The following ARHGAP18 variants were observed in gnomAD, a reference collection of about 807,000 sequenced individuals.
The protein encoded by ARHGAP18 is rho GTPase-activating protein 18.
A neutral mutation model predicts 86.2 loss-of-function variants in ARHGAP18; 67 were observed. That is an observed-to-expected ratio of 0.78 (90% CI 0.64 to 0.95). The LOEUF is 0.95. Among genes scored for constraint, ARHGAP18 ranks in the 40% least tolerant of loss-of-function variants. ARHGAP18 has a pLI of 0.00. For missense variants in ARHGAP18, 691 were observed against 780.4 expected, an observed-to-expected ratio of 0.89 and a Z score of 1.37; for synonymous variants, 283 against 280.4, an observed-to-expected ratio of 1.01 and a Z score of -0.09.
intron 11 of ARHGAP18, 109 bp downstream of exon 11, chr6:129,600,533 T>G: frequency 1.1e-6 from 1 of 884,566 alleles, no homozygotes; most frequent in South Asian, 2.0e-5. Context: ...TAAAATGTTT[T>G]TAATATTTTC....
At chr6:129,602,095 A>C (rs1417649939) in intron 10 of ARHGAP18, among the ~76,000 whole-genome samples, 10 of 152,134 alleles carry the variant, frequency 6.6e-5, no homozygotes, top group Non-Finnish European at 1.5e-4. Flanking sequence ...CTCTAACATG[A>C]CTTAAGGCTT....
intron 5 of ARHGAP18, among the ~76,000 whole-genome samples, chr6:129,626,320 A>G (rs1471680373): frequency 6.6e-6 from 1 of 151,918 alleles, no homozygotes; most frequent in Non-Finnish European, 1.5e-5. Context: ...GTGAGCTACC[A>G]GTTACCTAGG....
At chr6:129,654,475 C>G (rs1773786228) in intron 1 of ARHGAP18, among the ~76,000 whole-genome samples, 1 of 152,226 alleles carries the variant, frequency 6.6e-6, no homozygotes, top group Non-Finnish European at 1.5e-5. Flanking sequence ...CAGGCTTACA[C>G]TAGCCTACTG....
intron 12 of ARHGAP18, among the ~76,000 whole-genome samples, chr6:129,590,830 T>C (rs1289719659): frequency 6.6e-6 from 1 of 152,174 alleles, no homozygotes; most frequent in Admixed American, 6.5e-5. Flanking sequence ...GTCTATGGGA[T>C]ATGAACATTT....
At chr6:129,634,153 AG>A (rs746091215) in intron 3 of ARHGAP18, 48 bp from the exon 4 acceptor site, 1 of 1,516,110 alleles carries the variant, frequency 6.6e-7, no homozygotes. Flanking sequence ...TCAAAACCAG[AG>A]AAAATGGTAC....
chr6:129,676,915 CTTTTTTTTTTTTTTTTTTTTTTT>C (rs10688716), intron 1 of ARHGAP18, among the ~76,000 whole-genome samples: 1 of 37,960 alleles, frequency 2.6e-5, no homozygotes, highest in African/African-American at 6.9e-5. Flanking sequence ...TTTTTGTCCT[CTTTTTTTTTTTTTTTTTTTTTTT>C]TTTTTTTTTT....
At chr6:129,637,027 C>T (rs1489396900) in intron 3 of ARHGAP18, among the ~76,000 whole-genome samples, 8 of 152,156 alleles carry the variant, frequency 5.3e-5, no homozygotes, top group Non-Finnish European at 1.2e-4. Context: ...TAGCACTGAT[C>T]TGAGCCACAC....
At chr6:129,586,774 C>A (rs942896543) in intron 12 of ARHGAP18, among the ~76,000 whole-genome samples, 3 of 152,120 alleles carry the variant, frequency 2.0e-5, no homozygotes, top group African/African-American at 7.2e-5. Context: ...CCTTTTCCCC[C>A]ACTATTTCTT....
chr6:129,654,414 G>A (rs1442509241), intron 1 of ARHGAP18, among the ~76,000 whole-genome samples: 1 of 152,152 alleles, frequency 6.6e-6, no homozygotes, highest in Non-Finnish European at 1.5e-5. Context: ...TTTCTGTCCT[G>A]ATCCTTAAGA....
chr6:129,709,955 C>A, intron 1 of ARHGAP18, 69 bp downstream of exon 1: 1 of 1,318,652 alleles, frequency 7.6e-7, no homozygotes, highest in Non-Finnish European at 1.1e-6. Context: ...CCCACGCCAA[C>A]TTCCCTGTCA....
At chr6:129,614,992 T>C (rs1789064913) in intron 7 of ARHGAP18, among the ~76,000 whole-genome samples, 1 of 152,140 alleles carries the variant, frequency 6.6e-6, no homozygotes, top group Non-Finnish European at 1.5e-5. Context: ...TCTGCTAGCC[T>C]GCTCTACATA....
In ARHGAP18 at chr6:129,611,622, CAG is replaced by C; in HGVS notation, c.1045-14_1045-13del. On this transcript the variant is annotated splice_polypyrimidine_tract_variant and intron_variant, in intron 7 of 14. Transcript: ENST00000368149. ...ATTCGAGAAATCAGCTGTGCATAAA[CAG>C]AGAAACATTCTAATTTCCGTATTTG... 6.2e-7 allele frequency: 1 copy of C among 1,610,932 alleles called. No homozygotes were observed. Among genetic ancestry groups the C allele is most frequent in the Non-Finnish European group, 8.5e-7 (1 of 1,177,646 alleles).
intron 1 of ARHGAP18, among the ~76,000 whole-genome samples, chr6:129,691,733 A>T (rs1405484585): frequency 6.6e-6 from 1 of 152,224 alleles, no homozygotes; most frequent in Non-Finnish European, 1.5e-5. Context: ...GGCTGATACT[A>T]CATTCACATA....
Position 129,611,623 on chromosome 6 carries a change from A to G in ARHGAP18, c.1045-13T>C. On this transcript the variant is annotated splice_polypyrimidine_tract_variant and intron_variant, in intron 7 of 14. Transcript: ENST00000368149. ...TTCGAGAAATCAGCTGTGCATAAACAGAGAAACATTCTAATTTCCGTATTT... is the reference window on the plus strand; with the variant it reads ...TTCGAGAAATCAGCTGTGCATAAACGGAGAAACATTCTAATTTCCGTATTT... 1 of 1,610,794 alleles carries G rather than the reference A, an allele frequency of 6.2e-7. No individual in the cohort carries two copies. The highest frequency in any genetic ancestry group is 1.1e-5 in the South Asian group (1 of 90,908).
chr6:129,654,612 C>T (rs1773788636), intron 1 of ARHGAP18, among the ~76,000 whole-genome samples: 1 of 152,138 alleles, frequency 6.6e-6, no homozygotes, highest in African/African-American at 2.4e-5. Context: ...TAGTTCATGG[C>T]CTCAAGCGTT....
intron 1 of ARHGAP18, among the ~76,000 whole-genome samples, chr6:129,689,905 C>G (rs1278690485): frequency 1.3e-5 from 2 of 152,216 alleles, no homozygotes; most frequent in Admixed American, 1.3e-4. Flanking sequence ...AATTTCCATT[C>G]TGAATTCCAA....
At chr6:129,592,493 G>T (rs1441194304) in intron 12 of ARHGAP18, among the ~76,000 whole-genome samples, 1 of 152,038 alleles carries the variant, frequency 6.6e-6, no homozygotes, top group Non-Finnish European at 1.5e-5. Context: ...AGTCACGTAA[G>T]CTCTCTAAAG....
intron 8 of ARHGAP18, among the ~76,000 whole-genome samples, chr6:129,609,156 A>T (rs1788925195): frequency 6.6e-6 from 1 of 152,024 alleles, no homozygotes; most frequent in Non-Finnish European, 1.5e-5. Flanking sequence ...ACAGAGGAAG[A>T]TCCAGAGAAG....
At chr6:129,645,260 A>G (rs12216321) in intron 1 of ARHGAP18, among the ~76,000 whole-genome samples, 13,664 of 152,192 alleles carry the variant, frequency 0.09, 754 homozygotes, top group African/African-American at 0.15. Context: ...GGCAGTGACT[A>G]AAAGTCTGGA....
Sources: gnomAD v4.1 joint callset for allele counts (sites outside exome capture counted in the v4.1 genomes callset) on GRCh38, gnomAD v4.1.1 for gene constraint, MANE v1.5 for transcripts, NCBI Gene and HGNC (gene_info 2026-07-23, HGNC 2026-07-21) for gene names.